PSD3: variants seen among roughly 807,000 people sequenced by gnomAD.
PSD3 encodes the protein pleckstrin and Sec7 domain containing 3, also known as PH and SEC7 domain-containing protein 3.
A neutral mutation model predicts 105.5 loss-of-function variants in PSD3; 49 were observed. The ratio of observed to expected loss-of-function variants is 0.46; its 90% confidence interval spans 0.37 to 0.59. The LOEUF (loss-of-function observed/expected upper bound fraction) is 0.59. Ranked by LOEUF, PSD3 falls within the 20% of genes least tolerant of loss-of-function variation. PSD3 has a pLI of 0.00. For synonymous variants in PSD3, 557 were observed against 457.8 expected (o/e 1.22, Z -2.77); for missense variants, 1,561 against 1,263.8 (o/e 1.24, Z -3.57).
At chr8:18,838,280 G>A (rs895775845) in intron 4 of PSD3, among the ~76,000 whole-genome samples, 3 of 152,060 alleles carry the variant, frequency 2.0e-5, no homozygotes, top group Non-Finnish European at 2.9e-5. Context: ...CATTAAGTAC[G>A]AAAAATTACC....
At chr8:18,947,878 C>T (rs987855992) in intron 1 of PSD3, among the ~76,000 whole-genome samples, 5 of 152,064 alleles carry the variant, frequency 3.3e-5, no homozygotes, top group African/African-American at 1.2e-4. Flanking sequence ...TAGGACGGTA[C>T]ACATTCATTT....
chr8:18,540,550 C>T (rs1800097981), intron 15 of PSD3, among the ~76,000 whole-genome samples: 1 of 152,128 alleles, frequency 6.6e-6, no homozygotes, highest in Non-Finnish European at 1.5e-5. Flanking sequence ...TGTCTCACAT[C>T]CTTTCAGTCA....
intron 2 of PSD3, among the ~76,000 whole-genome samples, chr8:18,897,095 C>A (rs1563396293): frequency 6.6e-6 from 1 of 151,468 alleles, no homozygotes; most frequent in Non-Finnish European, 1.5e-5. Context: ...GCGTGAGCCA[C>A]CGTGCCCGGC....
At chr8:18,669,322 T>C (rs1799647466) in intron 9 of PSD3, among the ~76,000 whole-genome samples, 1 of 152,234 alleles carries the variant, frequency 6.6e-6, no homozygotes, top group Admixed American at 6.5e-5. Context: ...GACCAAACCC[T>C]ATATATTGTA....
chr8:18,651,919 C>A (rs1373443760), intron 10 of PSD3, among the ~76,000 whole-genome samples: 2 of 152,098 alleles, frequency 1.3e-5, no homozygotes, highest in Non-Finnish European at 2.9e-5. Context: ...AGGAACTTCA[C>A]AGAGGTTAAA....
chr8:18,912,190 T>C (rs1361377672), intron 2 of PSD3, among the ~76,000 whole-genome samples: 1 of 152,218 alleles, frequency 6.6e-6, no homozygotes, highest in African/African-American at 2.4e-5. Flanking sequence ...AATGTCATAA[T>C]GAGATTAAGA....
At chr8:18,735,903 T>C (rs770192503) in intron 9 of PSD3, among the ~76,000 whole-genome samples, 14 of 152,184 alleles carry the variant, frequency 9.2e-5, no homozygotes, top group East Asian at 5.8e-4. Context: ...TGAACAAAGA[T>C]TGTCAAGCAG....
chr8:18,565,214 C>A (rs772134768), intron 14 of PSD3, among the ~76,000 whole-genome samples: 46 of 152,148 alleles, frequency 3.0e-4, no homozygotes, highest in Non-Finnish European at 4.6e-4. Context: ...GTTGTGCACA[C>A]TGAAGTTTGA....
intron 15 of PSD3, 149 bp downstream of exon 15, chr8:18,556,060 G>T: frequency 2.4e-6 from 2 of 824,732 alleles, no homozygotes; most frequent in Non-Finnish European, 1.9e-6. Context: ...AACAAGAGGG[G>T]CCACCATGAC....
chr8:19,028,299 CTT>C (rs397689140), intron 1 of PSD3, among the ~76,000 whole-genome samples: 6 of 96,140 alleles, frequency 6.2e-5, no homozygotes, highest in Non-Finnish European at 1.2e-4. Context: ...CCGGCCCACC[CTT>C]TTTTTTTTTT....
chr8:18,941,742 G>C (rs1280074497), intron 1 of PSD3, among the ~76,000 whole-genome samples: 1 of 129,800 alleles, frequency 7.7e-6, no homozygotes, highest in Non-Finnish European at 1.5e-5. Context: ...GTACAATCTT[G>C]GCTCACTGCA....
chr8:18,871,908 G>C lies in PSD3; in HGVS notation c.956C>G (p.Pro319Arg). Reference sequence around the variant, plus strand: ...TTGCAGTGATGTCTCAAAATCTATAGGATGCTGGGTCTCTCTCTTGTCTCC... The same window carrying C: ...TTGCAGTGATGTCTCAAAATCTATACGATGCTGGGTCTCTCTCTTGTCTCC... The part of the protein sequence containing the change: ...TGGDKRETQH[P>R]IDFETSLQRT... Residue 319 changes from proline (P) to arginine (R), a missense_variant, in exon 3 of 16, where the codon CCT becomes CGT. By Grantham distance (103) the Pro-to-Arg change is moderately radical. Coordinates refer to ENST00000327040, the MANE Select transcript of PSD3 (RefSeq NM_015310.4). The C allele has an allele frequency of 6.2e-7, 1 of 1,614,156 alleles. No homozygotes were observed.
rs1461123962 is a variant in PSD3, at chr8:18,530,394, A to C, written c.*5349T>G. On this transcript the variant is annotated 3_prime_UTR_variant, in exon 16 of 16. Transcript: ENST00000327040. ...TGCAACTGCAAACCTAGGATACAGT[A>C]CCCAATCCTGGGATGCCCTGATATA... 1 of 152,452 alleles carries C rather than the reference A, an allele frequency of 6.6e-6. No individual in the cohort carries two copies. The highest frequency in any genetic ancestry group is 1.5e-5 in the Non-Finnish European group (1 of 68,042). 9.4% of individuals were successfully genotyped at this position (152,452 alleles called of 1,614,324 possible).
intron 4 of PSD3, among the ~76,000 whole-genome samples, chr8:18,821,872 C>CCACACACACA (rs5889830): frequency 5.6e-4 from 77 of 137,408 alleles, no homozygotes; most frequent in Non-Finnish European, 7.1e-4. Flanking sequence ...TGCACACACA[C>CCACACACACA]CACACACACA....
chr8:19,032,665 AAAG>A (rs1302450419), intron 1 of PSD3, among the ~76,000 whole-genome samples: 1 of 151,938 alleles, frequency 6.6e-6, no homozygotes, highest in African/African-American at 2.4e-5. Flanking sequence ...AAAAAAAAAA[AAAG>A]AAAGGAATCC....
At chr8:18,667,821 C>T (rs1799564648) in intron 9 of PSD3, among the ~76,000 whole-genome samples, 1 of 152,238 alleles carries the variant, frequency 6.6e-6, no homozygotes, top group African/African-American at 2.4e-5. Context: ...CCTCCGAGCC[C>T]TGCCCCGCAG....
At chr8:18,958,493 G>A (rs911271249) in intron 1 of PSD3, among the ~76,000 whole-genome samples, 2 of 152,110 alleles carry the variant, frequency 1.3e-5, no homozygotes, top group African/African-American at 2.4e-5. Flanking sequence ...AGCACTCAAG[G>A]AATTACAGAA....
At chr8:18,585,951 T>C (rs996144148) in intron 12 of PSD3, among the ~76,000 whole-genome samples, 4 of 152,172 alleles carry the variant, frequency 2.6e-5, no homozygotes, top group South Asian at 2.1e-4. Context: ...TGACTCTTCT[T>C]TTGGAAGAGC....
chr8:18,877,450 C>T (rs559638591), intron 2 of PSD3, among the ~76,000 whole-genome samples: 25 of 152,180 alleles, frequency 1.6e-4, no homozygotes, highest in African/African-American at 4.8e-4. Flanking sequence ...AGCCTTGGTG[C>T]CCATGTCAAA....
Sources: gnomAD v4.1 joint callset for allele counts (sites outside exome capture counted in the v4.1 genomes callset) on GRCh38, gnomAD v4.1.1 for gene constraint, MANE v1.5 for transcripts, NCBI Gene and HGNC (gene_info 2026-07-23, HGNC 2026-07-21) for gene names.